Variants in USP15 observed in about 807,000 individuals in gnomAD.
USP15 encodes the protein ubiquitin carboxyl-terminal hydrolase 15.
USP15 carries 18 observed loss-of-function variants against 127.1 expected under a neutral mutation model. The observed-to-expected ratio is 0.14, with a 90% CI of 0.10 to 0.21. The LOEUF (loss-of-function observed/expected upper bound fraction) is 0.21. Ranked by LOEUF, USP15 falls within the 10% of genes least tolerant of loss-of-function variation. USP15 has a pLI of 1.00. For missense variants in USP15, 805 were observed against 1,159.9 expected, an observed-to-expected ratio of 0.69 and a Z score of 4.44; for synonymous variants, 364 against 393.7, an observed-to-expected ratio of 0.92 and a Z score of 0.89.
At chr12:62,402,495 AGAT>A (rs1291536257) in intron 21 of USP15, among the ~76,000 whole-genome samples, 1 of 152,086 alleles carries the variant, frequency 6.6e-6, no homozygotes, top group African/African-American at 2.4e-5. Context: ...CATGTGGTAA[AGAT>A]GATGTCTGAC....
At chr12:62,270,983 C>T (rs2137050549) in intron 1 of USP15, among the ~76,000 whole-genome samples, 1 of 152,140 alleles carries the variant, frequency 6.6e-6, no homozygotes, top group South Asian at 2.1e-4. Flanking sequence ...GTAGTATTTG[C>T]AGTGAATGTT....
Position 62,404,190 on chromosome 12 carries a change from C to T in USP15, c.2764-3C>T, listed in dbSNP as rs561212589. The T allele has an allele frequency of 1.1e-5, 18 of 1,591,528 alleles. No individual in the cohort carries two copies. In the South Asian group the frequency reaches 1.6e-4, roughly 14 times the overall value. ...ACTGTTTTAACATCCTTTGTTTTGA[C>T]AGTCCAAAGCAGCATATGTACTCTT... On this transcript the variant is annotated splice_region_variant and splice_polypyrimidine_tract_variant and intron_variant, in intron 21 of 21. Transcript: ENST00000280377.
At chr12:62,330,757 C>T (rs892136237) in intron 6 of USP15, among the ~76,000 whole-genome samples, 8 of 123,222 alleles carry the variant, frequency 6.5e-5, no homozygotes, top group Non-Finnish European at 1.0e-4. Context: ...CCCGTCTCTA[C>T]AAAAAAAAAA....
chr12:62,324,898 G>A (rs1442489574), intron 5 of USP15, among the ~76,000 whole-genome samples: 4 of 151,848 alleles, frequency 2.6e-5, no homozygotes, highest in Admixed American at 6.6e-5. Context: ...ATTACTAAGT[G>A]CATGTAGAGT....
chr12:62,310,890 GTTGTCTT>G (rs1000008171), intron 3 of USP15, among the ~76,000 whole-genome samples: 4 of 151,908 alleles, frequency 2.6e-5, no homozygotes, highest in African/African-American at 7.2e-5. Flanking sequence ...GCTAACATCT[GTTGTCTT>G]TTGTCTTTTT....
chr12:62,349,328 A>C, intron 7 of USP15, 21 bp downstream of exon 7: 1 of 1,422,130 alleles, frequency 7.0e-7, no homozygotes, highest in Non-Finnish European at 9.3e-7. Flanking sequence ...AATCTTAAAA[A>C]CTCTTTGTTT....
chr12:62,360,042 A>C (rs531609152), intron 8 of USP15, among the ~76,000 whole-genome samples: 1 of 152,132 alleles, frequency 6.6e-6, no homozygotes, highest in African/African-American at 2.4e-5. Context: ...GAGCACTTCA[A>C]CCCTTGTCTT....
At chr12:62,367,222 T>TGTTG (rs2066507235) in intron 8 of USP15, among the ~76,000 whole-genome samples, 4 of 151,906 alleles carry the variant, frequency 2.6e-5, no homozygotes, top group African/African-American at 9.7e-5. Flanking sequence ...GTTGTTTTTT[T>TGTTG]GTTTGTTTGT....
At chr12:62,335,185 T>TG in intron 6 of USP15, 1 of 1,535,768 alleles carries the variant, frequency 6.5e-7, no homozygotes, top group East Asian at 2.4e-5. Context: ...AGAGCAGAGT[T>TG]GCTAGTGAAC....
chr12:62,268,996 G>A (rs1179030500), intron 1 of USP15, among the ~76,000 whole-genome samples: 2 of 139,574 alleles, frequency 1.4e-5, no homozygotes, highest in East Asian at 2.3e-4. Flanking sequence ...AAATGGAATC[G>A]TATAGTATGT....
chr12:62,410,040 T>C lies in USP15; in HGVS notation c.*5665T>C, dbSNP rs1025610942. ...ACTAATGTATTAAAGTGTTCACTTA[T>C]GTCTAGTCATATGCATACCTACTCT... On this transcript the variant is annotated 3_prime_UTR_variant, in exon 22 of 22. Transcript: ENST00000280377. The C allele has an allele frequency of 6.6e-6, 1 of 152,190 alleles. No individual in the cohort carries two copies. Among genetic ancestry groups the C allele is most frequent in the African/African-American group, 2.4e-5 (1 of 41,462 alleles). The allele number at this position is 152,190 out of a possible 1,614,324, so 9.4% of individuals were successfully genotyped here.
At chr12:62,322,543 T>G (rs574769573) in intron 5 of USP15, among the ~76,000 whole-genome samples, 128 of 152,282 alleles carry the variant, frequency 8.4e-4, no homozygotes, top group African/African-American at 3.0e-3. Context: ...TGTGCTCCAT[T>G]CTCAGCCCTT....
chr12:62,269,237 G>T (rs913692118), intron 1 of USP15, among the ~76,000 whole-genome samples: 3 of 151,974 alleles, frequency 2.0e-5, no homozygotes, highest in African/African-American at 7.3e-5. Context: ...TACCTAGGAT[G>T]TATTGCCTAT....
intron 3 of USP15, among the ~76,000 whole-genome samples, chr12:62,310,679 A>G (rs1024070244): frequency 6.6e-6 from 1 of 151,940 alleles, no homozygotes; most frequent in African/African-American, 2.4e-5. Flanking sequence ...AGATAGTGCT[A>G]CAATAAACAT....
chr12:62,301,096 T>C (rs1414506989), intron 2 of USP15, among the ~76,000 whole-genome samples: 8 of 152,086 alleles, frequency 5.3e-5, no homozygotes, highest in South Asian at 2.1e-4. Context: ...AAAGAAGATA[T>C]AGGTTTCAAA....
Position 62,261,605 on chromosome 12 carries a change from A to G in USP15, c.89+1102A>G, listed in dbSNP as rs150802743. ...GAGTTAATTTAAATCATTGCACCTC[A>G]TTATCTTCATGCTGTAAAATGGACA... On this transcript the variant is annotated intron_variant, in intron 1 of 21. Coordinates refer to ENST00000280377, the MANE Select transcript of USP15 (RefSeq NM_001252078.2). Among the ~76,000 whole-genome samples the G allele has an allele frequency of 3.7e-3, 569 of 152,338 alleles. 5 individuals carry two copies. Among genetic ancestry groups the G allele is most frequent in the African/African-American group, 0.013 (535 of 41,568 alleles).
At chr12:62,301,815 A>C (rs1341333339) in intron 2 of USP15, among the ~76,000 whole-genome samples, 1 of 152,196 alleles carries the variant, frequency 6.6e-6, no homozygotes, top group East Asian at 1.9e-4. Flanking sequence ...AAATGCTACC[A>C]AGAACAATTT....
At chr12:62,324,819 C>T (rs758213723) in intron 5 of USP15, among the ~76,000 whole-genome samples, 81 of 152,002 alleles carry the variant, frequency 5.3e-4, no homozygotes, top group Non-Finnish European at 8.7e-4. Context: ...AACATGCTTA[C>T]ATTTTACATA....
At chr12:62,303,444 C>G (rs1177726474) in intron 3 of USP15, 1 of 151,170 alleles carries the variant, frequency 6.6e-6, no homozygotes, top group African/African-American at 2.4e-5. Context: ...AACTAAAAAG[C>G]AATAAGTAAG....
Sources: gnomAD v4.1 joint callset for allele counts (sites outside exome capture counted in the v4.1 genomes callset) on GRCh38, gnomAD v4.1.1 for gene constraint, MANE v1.5 for transcripts, NCBI Gene and HGNC (gene_info 2026-07-23, HGNC 2026-07-21) for gene names.